Variants in GRIK1 observed in about 807,000 individuals in gnomAD.
GRIK1 encodes glutamate ionotropic receptor kainate type subunit 1, also known as glutamate receptor ionotropic, kainate 1.
Under a neutral mutation model 105.7 loss-of-function variants are expected in GRIK1, and 69 were observed. The observed-to-expected ratio is 0.65, with a 90% CI of 0.54 to 0.80. The LOEUF is 0.80. Among genes scored for constraint, GRIK1 ranks in the 30% least tolerant of loss-of-function variants. The pLI, the probability that GRIK1 is intolerant of heterozygous loss-of-function variation, is 0.00. For synonymous variants in GRIK1, 438 were observed against 431.3 expected (o/e 1.02, Z -0.19); for missense variants, 1,109 against 1,167.3 (o/e 0.95, Z 0.73).
At chr21:29,594,031 C>T (rs1366925629) in intron 9 of GRIK1, among the ~76,000 whole-genome samples, 2 of 152,172 alleles carry the variant, frequency 1.3e-5, no homozygotes, top group Non-Finnish European at 2.9e-5. Context: ...ATTGTCTCTA[C>T]AGAGGGACCT....
intron 1 of GRIK1, among the ~76,000 whole-genome samples, chr21:29,776,558 G>A (rs1414876246): frequency 6.6e-6 from 1 of 152,176 alleles, no homozygotes. Context: ...GAAGAAAAAT[G>A]GAGAGATAGG....
intron 1 of GRIK1, chr21:29,861,803 G>C (rs1028659605): frequency 1.8e-5 from 5 of 281,584 alleles, no homozygotes; most frequent in African/African-American, 1.1e-4. Context: ...TAAATACCTA[G>C]AATAAGTCCA....
intron 7 of GRIK1, among the ~76,000 whole-genome samples, chr21:29,629,445 G>A (rs1162311824): frequency 1.3e-5 from 2 of 151,798 alleles, no homozygotes; most frequent in Admixed American, 6.6e-5. Context: ...TGCTAAATGG[G>A]TTGTTGGAAA....
chr21:29,627,452 G>A (rs1020113883), intron 7 of GRIK1, among the ~76,000 whole-genome samples: 2 of 152,182 alleles, frequency 1.3e-5, no homozygotes, highest in Non-Finnish European at 2.9e-5. Flanking sequence ...ACTGAGGAAA[G>A]GTGACAGGAT....
At chr21:29,573,364 T>C (rs766872620) in intron 14 of GRIK1, among the ~76,000 whole-genome samples, 23 of 152,204 alleles carry the variant, frequency 1.5e-4, no homozygotes, top group Admixed American at 1.4e-3. Context: ...TGTCGTAATG[T>C]AGTCATTCAG....
intron 7 of GRIK1, among the ~76,000 whole-genome samples, chr21:29,609,373 T>G (rs1322526462): frequency 6.6e-6 from 1 of 152,170 alleles, no homozygotes; most frequent in Non-Finnish European, 1.5e-5. Context: ...GTCCTTTTTA[T>G]AACCAGGCTA....
intron 1 of GRIK1, among the ~76,000 whole-genome samples, chr21:29,705,708 AT>A (rs2063891792): frequency 6.6e-6 from 1 of 152,150 alleles, no homozygotes; most frequent in Admixed American, 6.6e-5. Context: ...TCATCTTTTC[AT>A]TTACAAAAAT....
intron 1 of GRIK1, among the ~76,000 whole-genome samples, chr21:29,875,092 A>G (rs186182865): frequency 4.0e-5 from 6 of 151,804 alleles, no homozygotes; most frequent in African/African-American, 1.5e-4. Flanking sequence ...CTCCAAAATA[A>G]TTAGACTTGC....
At chr21:29,769,770 G>T (rs534432028) in intron 1 of GRIK1, among the ~76,000 whole-genome samples, 39 of 152,172 alleles carry the variant, frequency 2.6e-4, no homozygotes, top group Admixed American at 5.2e-4. Context: ...GAGGGAGACC[G>T]GGGACAGATT....
At chr21:29,675,444 A>T (rs1367867289) in intron 3 of GRIK1, among the ~76,000 whole-genome samples, 1 of 152,200 alleles carries the variant, frequency 6.6e-6, no homozygotes, top group Admixed American at 6.5e-5. Flanking sequence ...GAAAACATTT[A>T]AAAAGTGCAT....
chr21:29,894,718 A>G (rs1369638729), intron 1 of GRIK1, among the ~76,000 whole-genome samples: 5 of 152,192 alleles, frequency 3.3e-5, no homozygotes, highest in Admixed American at 6.5e-5. Context: ...CTTTAGCCTG[A>G]AAGCAATGAG....
At chr21:29,814,443 C>T (rs1405045057) in intron 1 of GRIK1, among the ~76,000 whole-genome samples, 2 of 151,946 alleles carry the variant, frequency 1.3e-5, no homozygotes, top group African/African-American at 2.4e-5. Context: ...AAGAGATATC[C>T]TACTGTTCCC....
intron 10 of GRIK1, among the ~76,000 whole-genome samples, chr21:29,590,531 G>T (rs1276719127): frequency 6.6e-6 from 1 of 152,188 alleles, no homozygotes; most frequent in African/African-American, 2.4e-5. Flanking sequence ...GGGAGCCAAG[G>T]GAGGTGGGGG....
At chr21:29,718,593 A>T (rs757613232) in intron 1 of GRIK1, among the ~76,000 whole-genome samples, 1 of 152,190 alleles carries the variant, frequency 6.6e-6, no homozygotes, top group Non-Finnish European at 1.5e-5. Context: ...ATTCAAAGAG[A>T]TGTCATAGGC....
chr21:29,625,058 T>C lies in GRIK1; in HGVS notation c.1098+17768A>G, dbSNP rs77600317. The stretch of plus-strand genomic sequence containing the variant: ...GACATGTGGAGGGCACGAGGCCATG[T>C]TTATTTTGCCTTAAGTTAATTGATG... On this transcript the variant is annotated intron_variant, in intron 7 of 17. Coordinates refer to ENST00000327783, the MANE Select transcript of GRIK1 (RefSeq NM_001330994.2). 8.3e-3 allele frequency among the ~76,000 whole-genome samples: 1,263 copies of C among 152,334 alleles called. 11 individuals are homozygous for C. The highest frequency in any genetic ancestry group is 0.029 in the African/African-American group (1,202 of 41,568).
chr21:29,868,476 T>C lies in GRIK1; in HGVS notation c.118+70907A>G, dbSNP rs9979035. Among the ~76,000 whole-genome samples the C allele has an allele frequency of 2.6e-3, 396 of 152,228 alleles. 1 individual carries two copies. Among genetic ancestry groups the C allele is most frequent in the African/African-American group, 9.1e-3 (377 of 41,544 alleles). On this transcript the variant is annotated intron_variant, in intron 1 of 17. Transcript: ENST00000327783. The stretch of plus-strand genomic sequence containing the variant: ...GGATGGATCTGTGATGCATTCTTTT[T>C]CCCATACCCTTCTTCTTGAAACCTT...
At chr21:29,829,597 C>T (rs555038229) in intron 1 of GRIK1, among the ~76,000 whole-genome samples, 1 of 152,282 alleles carries the variant, frequency 6.6e-6, no homozygotes, top group South Asian at 2.1e-4. Context: ...TCATTTCCCT[C>T]ATTCTAAATG....
chr21:29,741,213 T>C (rs2064917937), intron 1 of GRIK1, among the ~76,000 whole-genome samples: 1 of 152,248 alleles, frequency 6.6e-6, no homozygotes, highest in African/African-American at 2.4e-5. Context: ...ATTTAGGCAA[T>C]TGAGTTCCTA....
At chr21:29,694,184 G>A (rs2063645570) in intron 1 of GRIK1, 121 bp from the exon 2 acceptor site, 4 of 655,732 alleles carry the variant, frequency 6.1e-6, no homozygotes, top group South Asian at 4.0e-5. Flanking sequence ...GAGTGCAATG[G>A]CACGATCTCA....
Sources: allele counts gnomAD v4.1 joint callset (sites outside exome capture counted in the v4.1 genomes callset), GRCh38; gene constraint gnomAD v4.1.1; transcripts MANE v1.5; gene names NCBI Gene and HGNC (gene_info 2026-07-23, HGNC 2026-07-21).